LAMA5: variants seen among roughly 807,000 people sequenced by gnomAD.
The protein encoded by LAMA5 is laminin subunit alpha 5.
Under a neutral mutation model 433.4 loss-of-function variants are expected in LAMA5, and 260 were observed. The observed-to-expected ratio is 0.60, with a 90% CI of 0.54 to 0.66. The LOEUF (loss-of-function observed/expected upper bound fraction) is 0.66, where lower values mean the gene tolerates loss of function less well. Among genes scored for constraint, LAMA5 ranks in the 30% least tolerant of loss-of-function variants. The pLI, the probability that LAMA5 is intolerant of heterozygous loss-of-function variation, is 0.00. For synonymous variants in LAMA5, 2,620 were observed against 2,226.6 expected (o/e 1.18, Z -4.97); for missense variants, 5,378 against 5,258.5 (o/e 1.02, Z -0.70).
rs1473803844 is a variant in LAMA5 at position 62,309,231 on chromosome 20, G to A, written c.*105C>T. The A allele has an allele frequency of 2.7e-6, 3 of 1,104,856 alleles. No homozygotes were observed. Among genetic ancestry groups the A allele is most frequent in the Admixed American group, 3.0e-5 (1 of 32,938 alleles). The allele number at this position is 1,104,856 out of a possible 1,614,324, so 68.4% of individuals were successfully genotyped here. A position where few individuals can be genotyped will look rare whatever the true frequency, so the allele number is the denominator to read the frequency against. On this transcript the variant is annotated 3_prime_UTR_variant, in exon 80 of 80. Transcript: ENST00000252999. ...TAAACCATCTTCAGAAACAAGATCTGTCACCCGTAGAGCTTAGAGTCCAAA... is the reference window on the plus strand; with the variant it reads ...TAAACCATCTTCAGAAACAAGATCTATCACCCGTAGAGCTTAGAGTCCAAA...
At position 62,328,286 on chromosome 20, in the gene LAMA5, T is replaced by C. The variant is rs147007704; in HGVS notation, c.4607A>G (p.Gln1536Arg). 196 of 1,608,370 alleles carry C rather than the reference T, an allele frequency of 1.2e-4. No homozygotes were observed. The African/African-American group carries it at 1.6e-3, about 13-fold the overall frequency. Residue 1536 changes from glutamine (Q) to arginine (R), a missense_variant, in exon 35 of 80, where the codon CAG (glutamine) becomes CGG (arginine). Gln to Arg is a conservative substitution (Grantham distance 43). Transcript: ENST00000252999. Reference sequence around the variant, plus strand: ...GTCACAGGTAGGGTCTGTGAGCTCCTGGATGCCGGGCCCTGAGCAGTTACA... The same window carrying C: ...GTCACAGGTAGGGTCTGTGAGCTCCCGGATGCCGGGCCCTGAGCAGTTACA... ...EECNCSGPGI[Q>R]ELTDPTCDTD...
intron 13 of LAMA5, 24 bp downstream of exon 13, chr20:62,338,208 C>G (rs1364332760): frequency 2.5e-6 from 4 of 1,577,186 alleles, no homozygotes; most frequent in Middle Eastern, 1.7e-4. Flanking sequence ...CCTACCCACG[C>G]CCACGTGGAG....
rs554459735 is a variant in LAMA5, at chr20:62,311,021, C to T, written c.10162G>A (p.Gly3388Ser). ...AGGAAGAGCGCCAGGGAGGGGCTGCCGGGCCTCAGACGGGCAGTGAAGAGG... is the reference window on the plus strand; with the variant it reads ...AGGAAGAGCGCCAGGGAGGGGCTGCTGGGCCTCAGACGGGCAGTGAAGAGG... ...LLLFTARLRP[G>S]SPSLALFLSN... The change falls in exon 74 of 80, where the codon GGC becomes AGC. Residue 3388 changes from glycine to serine, a missense_variant. Gly to Ser is a moderately conservative substitution (Grantham distance 56). Coordinates refer to ENST00000252999, the MANE Select transcript of LAMA5 (RefSeq NM_005560.6). 332 of 1,609,632 alleles carry T rather than the reference C, an allele frequency of 2.1e-4. 1 individual carries two copies. Among genetic ancestry groups the T allele is most frequent in the South Asian group, 3.5e-4 (32 of 90,902 alleles).
intron 45 of LAMA5, among the ~76,000 whole-genome samples, chr20:62,323,056 A>C: frequency 1.4e-5 from 1 of 73,990 alleles, no homozygotes. Flanking sequence ...TTGTGGGGGG[A>C]GAGGGGATGT....
rs1298611382 is a variant in LAMA5 at position 62,333,141 on chromosome 20, C to T, written c.3231G>A (p.Thr1077=). 3.3e-6 allele frequency: 5 copies of T among 1,506,572 alleles called. No individual in the cohort carries two copies. Among genetic ancestry groups the T allele is most frequent in the African/African-American group, 1.4e-5 (1 of 71,596 alleles). The allele number at this position is 1,506,572 out of a possible 1,614,324, so 93.3% of individuals were successfully genotyped here. ...QDNSLPRPCP[T]EQLSPSHPPL... ...GCGGGTGCGACGGGCTGAGCTGCTCCGTGGGGCAGGGCCGGGGCAGGCTGT... is the reference window on the plus strand; with the variant it reads ...GCGGGTGCGACGGGCTGAGCTGCTCTGTGGGGCAGGGCCGGGGCAGGCTGT... Residue 1077 remains threonine (T), a synonymous_variant, in exon 26 of 80, where the codon ACG becomes ACA. Coordinates refer to ENST00000252999, the MANE Select transcript of LAMA5 (RefSeq NM_005560.6).
In LAMA5 at chr20:62,323,828, C is replaced by T. The variant is rs758395503; in HGVS notation, c.5797G>A (p.Gly1933Ser). ...GGTTTGCAGAGGCACTGGGTGCGGC[C>T]GCCTCGCAGGACACAGCCCTCGGCG... ...NFAEGCVLRG[G>S]RTQCLCKPGY... is the part of the protein sequence containing the mutation. Residue 1933 changes from glycine (G) to serine (S), a missense_variant, in exon 44 of 80, where the codon GGC becomes AGC. By Grantham distance (56) the Gly-to-Ser change is moderately conservative. Transcript: ENST00000252999. 1.6e-5 allele frequency: 26 copies of T among 1,609,820 alleles called. No individual in the cohort carries two copies. The highest frequency in any genetic ancestry group is 8.9e-5 in the East Asian group (4 of 44,742).
chr20:62,363,211 G>A (rs900811737), intron 1 of LAMA5, among the ~76,000 whole-genome samples: 35 of 152,212 alleles, frequency 2.3e-4, no homozygotes, highest in African/African-American at 7.7e-4. Flanking sequence ...AAGCTGTTCC[G>A]GAGGCCTGTG....
intron 11 of LAMA5, among the ~76,000 whole-genome samples, chr20:62,341,694 T>C (rs903788812): frequency 2.0e-5 from 3 of 151,820 alleles, no homozygotes; most frequent in East Asian, 1.9e-4. Flanking sequence ...ATTAAAGAAA[T>C]TGAATATTAG....
At chr20:62,317,522 C>T (rs1568906897) in intron 54 of LAMA5, 23 bp from the exon 55 acceptor site, 5 of 1,534,302 alleles carry the variant, frequency 3.3e-6, no homozygotes, top group East Asian at 2.3e-5. Context: ...TGGACTTAGC[C>T]CCTCATCCTG....
chr20:62,313,282 G>A, intron 64 of LAMA5, 32 bp from the exon 65 acceptor site: 1 of 1,535,842 alleles, frequency 6.5e-7, no homozygotes, highest in Non-Finnish European at 8.8e-7. Flanking sequence ...GTCAGCGGAG[G>A]GTGGGGTGGG....
In LAMA5 at chr20:62,312,951, C is replaced by G; in HGVS notation, c.9015G>C (p.Gly3005=). The G allele has an allele frequency of 1.9e-6, 3 of 1,583,074 alleles. No individual in the cohort carries two copies. The highest frequency in any genetic ancestry group is 1.3e-5 in the African/African-American group (1 of 74,516). Residue 3005 remains glycine, a synonymous_variant, in exon 66 of 80, where the codon GGG becomes GGC. Coordinates refer to ENST00000252999, the MANE Select transcript of LAMA5 (RefSeq NM_005560.6). ...GTGGGACGGCCTTTTTCAGGCCAGC[C>G]CCAAAGTCATACAACAGCACGAGGC... ...EGSLVLLYDF[G]AGLKKAVPLQ... is the part of the protein sequence containing the mutation.
At position 62,311,231 on chromosome 20, in the gene LAMA5, G is replaced by C; in HGVS notation, c.10019C>G (p.Ser3340Cys). ...LPPHLRTTRD[S>C]YQFGGSLSSH... is the part of the protein sequence containing the mutation. ...GGACAGGGAACCCCCAAACTGGTAGGAGTCTCGGGTGGTCCTGAGGTGTGG... is the reference window on the plus strand; with the variant it reads ...GGACAGGGAACCCCCAAACTGGTAGCAGTCTCGGGTGGTCCTGAGGTGTGG... The change falls in exon 73 of 80, where the codon TCC (serine) becomes TGC (cysteine). Residue 3340 changes from serine to cysteine, a missense_variant. By Grantham distance (112) the Ser-to-Cys change is moderately radical (BLOSUM62 -1). Coordinates refer to ENST00000252999, the MANE Select transcript of LAMA5 (RefSeq NM_005560.6). The C allele has an allele frequency of 6.2e-7, 1 of 1,610,130 alleles. No homozygotes were observed. Among genetic ancestry groups the C allele is most frequent in the Non-Finnish European group, 8.5e-7 (1 of 1,178,968 alleles).
intron 2 of LAMA5, among the ~76,000 whole-genome samples, chr20:62,360,142 G>A (rs1235850813): frequency 6.6e-6 from 1 of 150,926 alleles, no homozygotes; most frequent in Non-Finnish European, 1.5e-5. Context: ...CCCTGACCAA[G>A]GCTGGCAGCC....
At position 62,366,957 on chromosome 20, in the gene LAMA5, T is replaced by C; in HGVS notation, c.289A>G (p.Thr97Ala). The C allele has an allele frequency of 7.9e-7, 1 of 1,271,924 alleles. No homozygotes were observed. The allele number at this position is 1,271,924 out of a possible 1,614,324, so 78.8% of individuals were successfully genotyped here. A position where few individuals can be genotyped will look rare whatever the true frequency, so the allele number is the denominator to read the frequency against. ...CCCGCCCCTGCGCTCACCCGGATGG[T>C]CTGGTTGGGGTCGCCGCCGGCCACG... ...GPVAGGDPNQTIRGQYCDICT... is the reference protein window; with the variant it reads ...GPVAGGDPNQAIRGQYCDICT... The change falls in exon 1 of 80, where the codon ACC becomes GCC. Residue 97 changes from threonine to alanine, a missense_variant. Coordinates refer to ENST00000252999, the MANE Select transcript of LAMA5 (RefSeq NM_005560.6).
chr20:62,312,744 C>G lies in LAMA5; in HGVS notation c.9115G>C (p.Val3039Leu). The change falls in exon 67 of 80, where the codon GTG becomes CTG. Residue 3039 changes from valine to leucine, a missense_variant. Coordinates refer to ENST00000252999, the MANE Select transcript of LAMA5 (RefSeq NM_005560.6). ...VFLLGGSRKRVLVRVERATVY... is the reference protein window; with the variant it reads ...VFLLGGSRKRLLVRVERATVY... Reference sequence around the variant, plus strand: ...GTGGCCCGCTCCACACGCACCAGCACACGCTTGCGGCTGCCCCCCAGCAGG... The same window carrying G: ...GTGGCCCGCTCCACACGCACCAGCAGACGCTTGCGGCTGCCCCCCAGCAGG... The G allele has an allele frequency of 1.3e-6, 2 of 1,592,360 alleles. No individual in the cohort carries two copies. The highest frequency in any genetic ancestry group is 4.6e-5 in the East Asian group (2 of 43,078).
rs1206041058 is a variant in LAMA5, at chr20:62,317,461, C to T, written c.7395G>A (p.Arg2465=). ...ERLAASLDGA[R]TPLLQRMQTF... ...TCTGCATCCTCTGCAGCAGTGGGGT[C>T]CGAGCCCCATCCAGGCTGGCGGCGA... Residue 2465 remains arginine, a synonymous_variant, in exon 55 of 80, where the codon CGG becomes CGA. Coordinates refer to ENST00000252999, the MANE Select transcript of LAMA5 (RefSeq NM_005560.6). 1.3e-6 allele frequency: 2 copies of T among 1,581,358 alleles called. No individual in the cohort carries two copies. Among genetic ancestry groups the T allele is most frequent in the Non-Finnish European group, 1.7e-6 (2 of 1,161,342 alleles).
chr20:62,315,050 T>C lies in LAMA5; in HGVS notation c.8025A>G (p.Ala2675=), dbSNP rs769925196. 3.1e-6 allele frequency: 5 copies of C among 1,597,880 alleles called. No homozygotes were observed. The highest frequency in any genetic ancestry group is 4.2e-6 in the Non-Finnish European group (5 of 1,178,082). ...CACCTGAGTGGCCTGCGTCAAGCACTGCCTGGCCCAGGTCCTGGCCCCGCA... is the reference window on the plus strand; with the variant it reads ...CACCTGAGTGGCCTGCGTCAAGCACCGCCTGGCCCAGGTCCTGGCCCCGCA... The part of the protein sequence containing the change: ...EGLRGQDLGQ[A]VLDAGHSVST... The change falls in exon 59 of 80, where the codon GCA becomes GCG. Residue 2675 remains alanine (A), a synonymous_variant. Transcript: ENST00000252999.
chr20:62,347,814 A>G (rs1049097928), intron 6 of LAMA5, among the ~76,000 whole-genome samples: 1 of 152,208 alleles, frequency 6.6e-6, no homozygotes, highest in Non-Finnish European at 1.5e-5. Context: ...CCAGTCCATG[A>G]GGATTAGACC....
intron 51 of LAMA5, 61 bp from the exon 52 acceptor site, chr20:62,319,074 G>A (rs1910965005): frequency 1.4e-6 from 2 of 1,437,098 alleles, no homozygotes; most frequent in Admixed American, 2.6e-5. Flanking sequence ...TCTGCCTGCT[G>A]GCTTCCAAGC....
Sources: allele counts gnomAD v4.1 joint callset (sites outside exome capture counted in the v4.1 genomes callset), GRCh38; gene constraint gnomAD v4.1.1; transcripts MANE v1.5; gene names NCBI Gene and HGNC (gene_info 2026-07-23, HGNC 2026-07-21).